SLC12A7: variants seen among roughly 807,000 people sequenced by gnomAD.
SLC12A7 encodes the protein K-Cl cotransporter 4.
Under a neutral mutation model 120.6 loss-of-function variants are expected in SLC12A7, and 100 were observed. The observed-to-expected ratio is 0.83, with a 90% CI of 0.71 to 0.98. The LOEUF (loss-of-function observed/expected upper bound fraction) is 0.98. Ranked by LOEUF, SLC12A7 falls within the 50% of genes least tolerant of loss-of-function variation. The pLI is 0.00. For synonymous variants in SLC12A7, 760 were observed against 678.0 expected, an observed-to-expected ratio of 1.12 and a Z score of -1.88; for missense variants, 1,373 against 1,548.1, an observed-to-expected ratio of 0.89 and a Z score of 1.90.
At chr5:1,060,235 T>G in intron 21 of SLC12A7, 109 bp downstream of exon 21, 1 of 808,280 alleles carries the variant, frequency 1.2e-6, no homozygotes, top group Non-Finnish European at 2.1e-6. Flanking sequence ...ACCTGAGGCA[T>G]GCTCTCTGGA....
In SLC12A7 at chr5:1,089,039, G is replaced by C. The variant is rs750002523; in HGVS notation, c.432C>G (p.Ile144Met). 6.2e-7 allele frequency: 1 copy of C among 1,612,964 alleles called. No homozygotes were observed. The highest frequency in any genetic ancestry group is 8.5e-7 in the Non-Finnish European group (1 of 1,179,996). ...ACTCCAGGACACCAGCCACCCCCACGATCCACGTCAGGCGCAGGAAGAGGA... is the reference window on the plus strand; with the variant it reads ...ACTCCAGGACACCAGCCACCCCCACCATCCACGTCAGGCGCAGGAAGAGGA... ...GVILFLRLTW[I>M]VGVAGVLESF... Residue 144 changes from isoleucine to methionine, a missense_variant, in exon 4 of 24, where the codon ATC becomes ATG. Ile to Met is a conservative substitution (Grantham distance 10, BLOSUM62 1). Coordinates refer to ENST00000264930, the MANE Select transcript of SLC12A7 (RefSeq NM_006598.3).
intron 1 of SLC12A7, among the ~76,000 whole-genome samples, chr5:1,109,463 A>G (rs1742822748): frequency 6.6e-6 from 1 of 152,170 alleles, no homozygotes. Context: ...TATTTCACAT[A>G]AGAATAAAAG....
upstream of SLC12A7, among the ~76,000 whole-genome samples, chr5:1,115,708 A>G (rs906070069): frequency 6.6e-6 from 1 of 152,080 alleles, no homozygotes; most frequent in African/African-American, 2.4e-5. Context: ...CCTTCTCACC[A>G]GAAAGCCACC....
At chr5:1,059,170 C>T (rs1246592527) in intron 21 of SLC12A7, among the ~76,000 whole-genome samples, 2 of 152,250 alleles carry the variant, frequency 1.3e-5, no homozygotes, top group East Asian at 3.8e-4. Context: ...CCCGGACCCC[C>T]GTGGAAGGGG....
intron 1 of SLC12A7, among the ~76,000 whole-genome samples, chr5:1,096,766 AAGGAGGGAGGGGGGGAG>A (rs1741232222): frequency 4.3e-5 from 1 of 23,084 alleles, no homozygotes; most frequent in African/African-American, 2.9e-4. Context: ...GGAGGAAGGA[AAGGAGGGAGGGGGGGAG>A]GGAGGGAAGG....
Position 1,069,030 on chromosome 5 carries a change from G to A in SLC12A7, c.2242-3552C>T, listed in dbSNP as rs78242791. 4.3e-3 allele frequency among the ~76,000 whole-genome samples: 656 copies of A among 152,356 alleles called. 6 individuals are homozygous for A. Among genetic ancestry groups the A allele is most frequent in the Non-Finnish European group, 4.4e-3 (298 of 68,034 alleles). On this transcript the variant is annotated intron_variant, in intron 17 of 23. Transcript: ENST00000264930. ...AAAGGGACATATGGGGACCAGGACC[G>A]TGAACATCCCCCCGAAAACCACGAT...
At position 1,083,899 on chromosome 5, in the gene SLC12A7, CT is replaced by C; in HGVS notation, c.974del (p.Lys325ArgfsTer107). ...CTGAGTTGTTGTGGATGCCGTAGGC[CT>C]TGACGCAGGCATCGAAGCTGCGCCG... Reference protein sequence around the residue: ...LSRRSFDACVKAYGIHNNSAT... With the variant: ...LSRRSFDACVXAYGIHNNSAT... On this transcript the variant is annotated frameshift_variant, in exon 8 of 24. Coordinates refer to ENST00000264930, the MANE Select transcript of SLC12A7 (RefSeq NM_006598.3). LOFTEE classifies it high-confidence loss of function. 6.2e-7 allele frequency: 1 copy of C among 1,608,326 alleles called. No homozygotes were observed.
the SLC12A7 span, among the ~76,000 whole-genome samples, chr5:1,127,207 G>T: frequency 1.3e-5 from 2 of 152,198 alleles, no homozygotes; most frequent in Non-Finnish European, 2.9e-5. Flanking sequence ...TAGAGACGGG[G>T]TTTCACTGTG....
intron 8 of SLC12A7, among the ~76,000 whole-genome samples, chr5:1,082,103 A>C (rs60857157): frequency 8.3e-6 from 1 of 120,808 alleles, no homozygotes; most frequent in South Asian, 3.1e-4. Flanking sequence ...CTTCCTCTCT[A>C]GGGTTCTGGA....
At chr5:1,058,795 G>A (rs1241397751) in intron 21 of SLC12A7, among the ~76,000 whole-genome samples, 2 of 152,168 alleles carry the variant, frequency 1.3e-5, no homozygotes, top group East Asian at 3.9e-4. Flanking sequence ...AGGGCTGCCC[G>A]CTCTCGGCAG....
rs1010729029 is a variant in SLC12A7, at chr5:1,112,046, C to A, written c.-55G>T. 2.1e-5 allele frequency: 25 copies of A among 1,214,612 alleles called. No individual in the cohort carries two copies. Among genetic ancestry groups the A allele is most frequent in the African/African-American group, 1.9e-4 (12 of 63,688 alleles). 75.2% of individuals were successfully genotyped at this position (1,214,612 alleles called of 1,614,324 possible). On this transcript the variant is annotated 5_prime_UTR_variant, in exon 1 of 24. Coordinates refer to ENST00000264930, the MANE Select transcript of SLC12A7 (RefSeq NM_006598.3). The stretch of plus-strand genomic sequence containing the variant: ...GGCCCGGCCCGCGCTGCGCCGCTCC[C>A]GCCGACGCCACGGGACTTGGAGGCA...
chr5:1,122,277 C>T, the SLC12A7 span, among the ~76,000 whole-genome samples: 6 of 152,078 alleles, frequency 3.9e-5, no homozygotes, highest in African/African-American at 7.2e-5. Flanking sequence ...CTGTGCGAGG[C>T]GGGGTGGGAT....
At chr5:1,133,178 A>G in the SLC12A7 span, among the ~76,000 whole-genome samples, 1 of 152,202 alleles carries the variant, frequency 6.6e-6, no homozygotes, top group Admixed American at 6.5e-5. Flanking sequence ...GGCTTCCCAA[A>G]GTGCTGAGAT....
intron 3 of SLC12A7, 41 bp downstream of exon 3, chr5:1,093,492 A>ATGGGG (rs1222455406): frequency 2.4e-5 from 38 of 1,552,682 alleles, no homozygotes; most frequent in Middle Eastern, 4.1e-4. Flanking sequence ...GCCGGGACAC[A>ATGGGG]CGGGGCGGGG....
the SLC12A7 span, among the ~76,000 whole-genome samples, chr5:1,118,876 C>T: frequency 6.6e-6 from 1 of 150,800 alleles, no homozygotes; most frequent in Non-Finnish European, 1.5e-5. Flanking sequence ...TCTCGCTGAA[C>T]TTCTGGGCCG....
chr5:1,142,027 T>C, the SLC12A7 span, among the ~76,000 whole-genome samples: 1 of 152,038 alleles, frequency 6.6e-6, no homozygotes, highest in Non-Finnish European at 1.5e-5. Context: ...TTCCCGGGGC[T>C]TCCTGGCCTC....
intron 1 of SLC12A7, among the ~76,000 whole-genome samples, chr5:1,104,507 G>A (rs189188529): frequency 1.4e-4 from 22 of 152,292 alleles, no homozygotes; most frequent in Admixed American, 8.5e-4. Flanking sequence ...TGCTGCGTGC[G>A]GCTATCCATG....
In SLC12A7 at chr5:1,060,422, G is replaced by A. The variant is rs764982676; in HGVS notation, c.2769C>T (p.Tyr923=). The A allele has an allele frequency of 1.4e-5, 22 of 1,613,492 alleles. No homozygotes were observed. The highest frequency in any genetic ancestry group is 9.3e-5 in the African/African-American group (7 of 74,914). ...TCTGCTCCATCATTAGTGTCCTCTC[G>A]TAGGTGAAAGCAGATATGTCGTTTT... The part of the protein sequence containing the change: ...MVENDISAFT[Y]ERTLMMEQRS... Residue 923 remains tyrosine (Y), a synonymous_variant, in exon 21 of 24, where the codon TAC becomes TAT. Coordinates refer to ENST00000264930, the MANE Select transcript of SLC12A7 (RefSeq NM_006598.3).
chr5:1,141,569 C>T, the SLC12A7 span, among the ~76,000 whole-genome samples: 3 of 152,258 alleles, frequency 2.0e-5, no homozygotes, highest in Non-Finnish European at 4.4e-5. Context: ...CTGTCTTCCC[C>T]ACTGTGTCCT....
Sources: allele counts gnomAD v4.1 joint callset (sites outside exome capture counted in the v4.1 genomes callset), GRCh38; gene constraint gnomAD v4.1.1; transcripts MANE v1.5; gene names NCBI Gene and HGNC (gene_info 2026-07-23, HGNC 2026-07-21).